The following FHIT variants were observed in gnomAD, a reference collection of about 807,000 sequenced individuals.
FHIT encodes the protein bis(5'-adenosyl)-triphosphatase.
A neutral mutation model predicts 17.9 loss-of-function variants in FHIT; 19 were observed. That is an observed-to-expected ratio of 1.06 (90% CI 0.74 to 1.56). FHIT has a LOEUF of 1.56. Ranked by LOEUF, FHIT falls within the 40% of genes most tolerant of loss-of-function variation. The pLI, the probability that FHIT is intolerant of heterozygous loss-of-function variation, is 0.00. For missense variants in FHIT, 248 were observed against 189.2 expected (o/e 1.31, Z -1.82); for synonymous variants, 81 against 69.7 (o/e 1.16, Z -0.81).
chr3:61,131,741 G>A (rs138943004), intron 2 of FHIT, among the ~76,000 whole-genome samples: 2 of 152,206 alleles, frequency 1.3e-5, no homozygotes, highest in Admixed American at 6.5e-5. Flanking sequence ...AAAAGGTTTC[G>A]TTGTTTATTG....
intron 4 of FHIT, among the ~76,000 whole-genome samples, chr3:60,709,895 C>T (rs538477775): frequency 1.9e-3 from 291 of 152,118 alleles, no homozygotes; most frequent in Non-Finnish European, 3.2e-3. Context: ...CTTGAGTTTG[C>T]ATAATTATAG....
At chr3:60,758,713 T>G (rs1699533899) in intron 4 of FHIT, among the ~76,000 whole-genome samples, 1 of 152,216 alleles carries the variant, frequency 6.6e-6, no homozygotes, top group African/African-American at 2.4e-5. Context: ...GTTTATTGAG[T>G]GCCTACTACT....
At chr3:60,788,360 TG>T (rs1700655809) in intron 4 of FHIT, among the ~76,000 whole-genome samples, 1 of 152,152 alleles carries the variant, frequency 6.6e-6, no homozygotes, top group African/African-American at 2.4e-5. Context: ...CTAGGGGCAA[TG>T]GTTCATTATT....
intron 1 of FHIT, among the ~76,000 whole-genome samples, chr3:61,239,855 T>G (rs2040332290): frequency 6.7e-6 from 1 of 149,576 alleles, no homozygotes; most frequent in South Asian, 2.1e-4. Context: ...CACAAAAATC[T>G]GAAATCTTTT....
chr3:59,895,876 A>G (rs1704046926), intron 8 of FHIT, among the ~76,000 whole-genome samples: 8 of 152,014 alleles, frequency 5.3e-5, no homozygotes, highest in Admixed American at 5.2e-4. Context: ...CTGCACTACA[A>G]TCATAGCGGT....
At chr3:60,411,712 T>C (rs1300688767) in intron 5 of FHIT, among the ~76,000 whole-genome samples, 3 of 151,772 alleles carry the variant, frequency 2.0e-5, no homozygotes, top group Admixed American at 1.3e-4. Flanking sequence ...TGCCAGATGG[T>C]TGTTAACAAA....
At chr3:59,796,239 G>A (rs1420951456) in intron 8 of FHIT, among the ~76,000 whole-genome samples, 2 of 152,110 alleles carry the variant, frequency 1.3e-5, no homozygotes, top group Admixed American at 1.3e-4. Context: ...ATGGTGCCCA[G>A]TACAATGAGA....
At chr3:59,940,797 C>T (rs1706475723) in intron 7 of FHIT, among the ~76,000 whole-genome samples, 1 of 152,194 alleles carries the variant, frequency 6.6e-6, no homozygotes, top group African/African-American at 2.4e-5. Flanking sequence ...ATGAAAACCT[C>T]TTAGCACCGC....
At chr3:59,867,455 G>A (rs936148386) in intron 8 of FHIT, among the ~76,000 whole-genome samples, 6 of 152,062 alleles carry the variant, frequency 3.9e-5, no homozygotes, top group African/African-American at 1.4e-4. Flanking sequence ...CCCCTTTTAA[G>A]ATTTCTCATT....
chr3:59,898,500 G>A (rs1473934623), intron 8 of FHIT, among the ~76,000 whole-genome samples: 6 of 151,456 alleles, frequency 4.0e-5, no homozygotes, highest in Non-Finnish European at 5.9e-5. Flanking sequence ...GCTTACCAAT[G>A]TTAAAAACAG....
intron 8 of FHIT, among the ~76,000 whole-genome samples, chr3:59,787,605 C>T (rs1454848115): frequency 2.0e-5 from 3 of 152,052 alleles, no homozygotes; most frequent in Non-Finnish European, 4.4e-5. Context: ...ATAATTCATT[C>T]ACGGATCTCT....
At chr3:60,935,506 G>A (rs1553772847) in intron 3 of FHIT, among the ~76,000 whole-genome samples, 1 of 152,182 alleles carries the variant, frequency 6.6e-6, no homozygotes, top group South Asian at 2.1e-4. Context: ...AGAATACACA[G>A]GGAAATAAGC....
In FHIT at chr3:60,599,884, T is replaced by G. The variant is rs1289694039; in HGVS notation, c.-17-62905A>C. On this transcript the variant is annotated intron_variant, in intron 4 of 9. Coordinates refer to ENST00000492590, the MANE Select transcript of FHIT (RefSeq NM_002012.4). Reference sequence around the variant, plus strand: ...ACTATTGACATTTTAGACCACATAATTCTTTGCTGTGAAGAGCTGTCTGTG... The same window carrying G: ...ACTATTGACATTTTAGACCACATAAGTCTTTGCTGTGAAGAGCTGTCTGTG... 2.6e-5 allele frequency among the ~76,000 whole-genome samples: 4 copies of G among 152,088 alleles called. No individual in the cohort carries two copies. In the East Asian group the frequency reaches 5.8e-4, roughly 22 times the overall value.
chr3:61,033,563 A>G (rs560917846), intron 3 of FHIT, among the ~76,000 whole-genome samples: 1 of 152,338 alleles, frequency 6.6e-6, no homozygotes, highest in Admixed American at 6.5e-5. Flanking sequence ...TGGCTACTAC[A>G]AAATGTAAAA....
intron 4 of FHIT, among the ~76,000 whole-genome samples, chr3:60,537,721 G>A (rs1383618302): frequency 6.6e-6 from 1 of 152,132 alleles, no homozygotes; most frequent in African/African-American, 2.4e-5. Flanking sequence ...GCTGAGACAA[G>A]CCAAATCCAT....
chr3:61,123,314 A>T (rs1560000039), intron 2 of FHIT, among the ~76,000 whole-genome samples: 1 of 152,174 alleles, frequency 6.6e-6, no homozygotes, highest in Non-Finnish European at 1.5e-5. Flanking sequence ...GAACACATGG[A>T]CACAGGGAGG....
rs1438470883 is a variant in FHIT at position 61,003,290 on chromosome 3, C to T, written c.-111+38757G>A. On this transcript the variant is annotated intron_variant, in intron 3 of 9. Coordinates refer to ENST00000492590, the MANE Select transcript of FHIT (RefSeq NM_002012.4). ...GAAAAGCCATCTATCTAAAGGGGCA[C>T]GCCACACTGTTATTCCTTTGTAATA... Among the ~76,000 whole-genome samples, 17 of 152,248 alleles carry T rather than the reference C, an allele frequency of 1.1e-4. No individual in the cohort carries two copies. In the South Asian group the frequency reaches 1.5e-3, roughly 13 times the overall value.
intron 8 of FHIT, among the ~76,000 whole-genome samples, chr3:59,851,145 C>T (rs1270571161): frequency 1.3e-5 from 2 of 152,010 alleles, no homozygotes; most frequent in East Asian, 1.9e-4. Flanking sequence ...GAGTTCCAGA[C>T]AGTCAGCTGA....
At chr3:59,785,569 T>A (rs906066224) in intron 8 of FHIT, among the ~76,000 whole-genome samples, 9 of 152,194 alleles carry the variant, frequency 5.9e-5, no homozygotes, top group South Asian at 2.1e-4. Context: ...TCCGCCCACC[T>A]TGGCCTCCCA....
Sources: gnomAD v4.1 joint callset for allele counts (sites outside exome capture counted in the v4.1 genomes callset) on GRCh38, gnomAD v4.1.1 for gene constraint, MANE v1.5 for transcripts, NCBI Gene and HGNC (gene_info 2026-07-23, HGNC 2026-07-21) for gene names.